GPHN: variants seen among roughly 807,000 people sequenced by gnomAD.
The protein encoded by GPHN is gephyrin.
GPHN carries 17 observed loss-of-function variants against 95.5 expected under a neutral mutation model. The ratio of observed to expected loss-of-function variants is 0.18; its 90% confidence interval spans 0.12 to 0.27. GPHN has a LOEUF of 0.27. Ranked by LOEUF, GPHN falls within the 10% of genes least tolerant of loss-of-function variation. The pLI, the probability that GPHN is intolerant of heterozygous loss-of-function variation, is 1.00. For synonymous variants in GPHN, 320 were observed against 322.5 expected, an observed-to-expected ratio of 0.99 and a Z score of 0.08; for missense variants, 660 against 978.1, an observed-to-expected ratio of 0.67 and a Z score of 4.34.
chr14:67,413,989 G>C, the GPHN span, among the ~76,000 whole-genome samples: 11 of 152,358 alleles, frequency 7.2e-5, no homozygotes, highest in South Asian at 2.3e-3. Context: ...CTAAGGAATT[G>C]TCCCAGCTCT....
rs80319067 is a variant in GPHN at position 67,179,475 on chromosome 14, A to G, written c.2080-103A>G. The G allele has an allele frequency of 3.0e-3, 2,214 of 733,002 alleles. 8 individuals are homozygous for G. The highest frequency in any genetic ancestry group is 0.016 in the Middle Eastern group (46 of 2,846). The allele number at this position is 733,002 out of a possible 1,614,324, so 45.4% of individuals were successfully genotyped here. A position where few individuals can be genotyped will look rare whatever the true frequency, so the allele number is the denominator to read the frequency against. Reference sequence around the variant, plus strand: ...ACAGCAACGACAGAATACCAAGGTTAGTCTCCATGTCCACTGTATTCTTTG... The same window carrying G: ...ACAGCAACGACAGAATACCAAGGTTGGTCTCCATGTCCACTGTATTCTTTG... On this transcript the variant is annotated intron_variant, in intron 21 of 22. Transcript: ENST00000478722.
intron 10 of GPHN, among the ~76,000 whole-genome samples, chr14:67,049,056 CG>C (rs1218477700): frequency 1.3e-5 from 2 of 152,038 alleles, no homozygotes; most frequent in African/African-American, 4.8e-5. Context: ...TATGGGCTAC[CG>C]GCTGCTAGGT....
At chr14:66,948,987 T>A (rs1160026696) in intron 8 of GPHN, among the ~76,000 whole-genome samples, 1 of 152,182 alleles carries the variant, frequency 6.6e-6, no homozygotes, top group Non-Finnish European at 1.5e-5. Context: ...AATTATAACC[T>A]CTGAAGGATC....
chr14:67,134,047 T>C (rs2079889502), intron 17 of GPHN, among the ~76,000 whole-genome samples: 2 of 152,244 alleles, frequency 1.3e-5, no homozygotes, highest in Non-Finnish European at 2.9e-5. Flanking sequence ...TCAGTTTATA[T>C]GTGAAAAGAA....
chr14:67,346,832 G>T, the GPHN span, among the ~76,000 whole-genome samples: 1 of 152,124 alleles, frequency 6.6e-6, no homozygotes, highest in Non-Finnish European at 1.5e-5. Context: ...TGTGGGTGTA[G>T]GATATGCAGA....
At chr14:67,389,928 C>CT in the GPHN span, among the ~76,000 whole-genome samples, 2 of 152,146 alleles carry the variant, frequency 1.3e-5, no homozygotes, top group Non-Finnish European at 2.9e-5. Context: ...TTGGAGGCTC[C>CT]TCCTGCCACA....
intron 5 of GPHN, among the ~76,000 whole-genome samples, chr14:66,896,847 T>C (rs1187846378): frequency 6.6e-6 from 1 of 151,614 alleles, no homozygotes; most frequent in Non-Finnish European, 1.5e-5. Flanking sequence ...AGAAGGCATA[T>C]GTATTGGTTA....
chr14:67,207,158 T>G, the GPHN span, among the ~76,000 whole-genome samples: 1 of 152,132 alleles, frequency 6.6e-6, no homozygotes, highest in African/African-American at 2.4e-5. Flanking sequence ...ATTGTTGCAT[T>G]GCTATAAAGA....
At chr14:66,569,914 T>A (rs2060611439) in intron 1 of GPHN, among the ~76,000 whole-genome samples, 1 of 152,098 alleles carries the variant, frequency 6.6e-6, no homozygotes. Context: ...TAGCAGAAAT[T>A]TTGTATCTGA....
At chr14:67,543,298 G>A in the GPHN span, among the ~76,000 whole-genome samples, 24 of 152,316 alleles carry the variant, frequency 1.6e-4, 1 homozygote, top group South Asian at 4.4e-3. Flanking sequence ...CATGGCTAAG[G>A]GGAGTGGTCC....
At chr14:67,706,909 G>T in the GPHN span, among the ~76,000 whole-genome samples, 1 of 152,176 alleles carries the variant, frequency 6.6e-6, no homozygotes, top group East Asian at 1.9e-4. Context: ...ATTTTTAGAA[G>T]GTTGTGAAGT....
chr14:66,939,279 T>A (rs573462296), intron 8 of GPHN, among the ~76,000 whole-genome samples: 3 of 152,260 alleles, frequency 2.0e-5, no homozygotes, highest in African/African-American at 7.2e-5. Context: ...GCAAATTATA[T>A]ACCTGATAAG....
At chr14:66,754,131 C>T (rs141543685) in intron 2 of GPHN, among the ~76,000 whole-genome samples, 2 of 151,984 alleles carry the variant, frequency 1.3e-5, no homozygotes, top group East Asian at 3.9e-4. Flanking sequence ...TTTGAGTTTT[C>T]CACTTTTTGT....
At chr14:66,508,898 C>G (rs12889298) in intron 1 of GPHN, among the ~76,000 whole-genome samples, 7 of 152,180 alleles carry the variant, frequency 4.6e-5, no homozygotes, top group Non-Finnish European at 8.8e-5. Context: ...GGGCTCCGCG[C>G]TGTCGGTGCA....
intron 17 of GPHN, among the ~76,000 whole-genome samples, chr14:67,139,172 G>A (rs111619619): frequency 1.1e-4 from 16 of 151,362 alleles, no homozygotes; most frequent in South Asian, 6.3e-4. Flanking sequence ...GCAGTGAGCC[G>A]AGATCGCGCC....
chr14:66,714,667 C>A (rs1183158382), intron 2 of GPHN, among the ~76,000 whole-genome samples: 1 of 152,074 alleles, frequency 6.6e-6, no homozygotes, highest in East Asian at 1.9e-4. Flanking sequence ...GCCCATTTTG[C>A]TGAGAGTTTT....
intron 1 of GPHN, among the ~76,000 whole-genome samples, chr14:66,602,724 A>G (rs1002468010): frequency 1.3e-5 from 2 of 151,924 alleles, no homozygotes; most frequent in African/African-American, 4.8e-5. Flanking sequence ...TCAAAAGTAC[A>G]AATTTCTACC....
the GPHN span, among the ~76,000 whole-genome samples, chr14:67,259,055 C>G: frequency 6.6e-6 from 1 of 151,494 alleles, no homozygotes; most frequent in Non-Finnish European, 1.5e-5. Context: ...GTTGGTCAGG[C>G]TGGTCTCGAA....
the GPHN span, among the ~76,000 whole-genome samples, chr14:67,295,406 C>T: frequency 6.6e-6 from 1 of 151,276 alleles, no homozygotes; most frequent in Admixed American, 6.6e-5. Context: ...AGGAGAATCA[C>T]TTAAACCCGG....
Sources: allele counts gnomAD v4.1 joint callset (sites outside exome capture counted in the v4.1 genomes callset), GRCh38; gene constraint gnomAD v4.1.1; transcripts MANE v1.5; gene names NCBI Gene and HGNC (gene_info 2026-07-23, HGNC 2026-07-21).